PORCN: variants seen among roughly 807,000 people sequenced by gnomAD.
PORCN encodes porcupine O-acyltransferase.
Under a neutral mutation model 43.0 loss-of-function variants are expected in PORCN, and 1 was observed. The ratio of observed to expected loss-of-function variants is 0.02; its 90% CI spans 0.01 to 0.11. The LOEUF is 0.11. Among genes scored for constraint, PORCN ranks in the 10% least tolerant of loss-of-function variants. The pLI is 1.00. For missense variants in PORCN, 240 were observed against 392.1 expected, an observed-to-expected ratio of 0.61 and a Z score of 3.28; for synonymous variants, 148 against 166.4, an observed-to-expected ratio of 0.89 and a Z score of 0.85.
chrX:48,512,174 C>A, intron 4 of PORCN, 152 bp from the exon 5 acceptor site: 1 of 623,479 alleles, frequency 1.6e-6, no homozygotes, highest in Non-Finnish European at 2.6e-6. Context: ...ATCTATCTGT[C>A]CTGGGCTTCC....
intron 9 of PORCN, 26 bp downstream of exon 9, chrX:48,514,391 C>T (rs2061699481): frequency 8.3e-7 from 1 of 1,202,039 alleles, no homozygotes; most frequent in Non-Finnish European, 1.1e-6. Flanking sequence ...GACCCCCTCT[C>T]CCACAGGGTG....
chrX:48,515,230 A>G (rs1556974994), intron 10 of PORCN, among the ~76,000 whole-genome samples: 2 of 112,276 alleles, frequency 1.8e-5, no homozygotes, highest in Non-Finnish European at 1.9e-5. Flanking sequence ...GGCTCTGAGC[A>G]GAGGAGGGCC....
chrX:48,520,053 A>G (rs782019435), intron 14 of PORCN, among the ~76,000 whole-genome samples: 1 of 112,217 alleles, frequency 8.9e-6, no homozygotes, highest in South Asian at 3.7e-4. Context: ...ATCTTTTCAT[A>G]TGTTTAAGAG....
At chrX:48,509,185 C>T in intron 1 of PORCN, 82 bp downstream of exon 1, 1 of 177,549 alleles carries the variant, frequency 5.6e-6, no homozygotes, top group Non-Finnish European at 1.1e-5. Flanking sequence ...AGCGCGAGTG[C>T]TAGGACCCCC....
intron 3 of PORCN, 72 bp from the exon 4 acceptor site, chrX:48,511,820 C>T (rs2061677852): frequency 9.9e-7 from 1 of 1,011,269 alleles, no homozygotes; most frequent in African/African-American, 1.9e-5. Context: ...ACCTTGGACC[C>T]CCTTCCCCTG....
Position 48,512,443 on chromosome X carries a change from C to T in PORCN, c.491C>T (p.Thr164Ile), listed in dbSNP as rs2061683266. Residue 164 changes from threonine (T) to isoleucine (I), a missense_variant, in exon 5 of 15, where the codon ACC becomes ATC. Coordinates refer to ENST00000326194, the MANE Select transcript of PORCN (RefSeq NM_203475.3). ...ATGGGCTACCTCTACTTCGTGGGCA[C>T]CATCGTCTTCGGGCCCTGGATATCC... ...EFMGYLYFVG[T>I]IVFGPWISFH... The T allele has an allele frequency of 2.5e-6, 3 of 1,210,109 alleles. No individual in the cohort carries two copies. Among genetic ancestry groups the T allele is most frequent in the African/African-American group, 1.7e-5 (1 of 57,823 alleles).
At chrX:48,510,357 T>G (rs2061665244) in intron 2 of PORCN, among the ~76,000 whole-genome samples, 2 of 112,220 alleles carry the variant, frequency 1.8e-5, no homozygotes, top group Non-Finnish European at 3.8e-5. Context: ...GTTTGGAGAT[T>G]CTGACAATTT....
At chrX:48,514,953 C>T (rs1167419152) in intron 10 of PORCN, among the ~76,000 whole-genome samples, 1 of 111,505 alleles carries the variant, frequency 9.0e-6, no homozygotes, top group Non-Finnish European at 1.9e-5. Flanking sequence ...GAGGAGGTGA[C>T]ATTGGAGCAA....
chrX:48,512,321 CAT>C lies in PORCN; in HGVS notation c.374-3_374-2del. ...CATCCACTTGACCATGGGCACCACACATAGGGGCACAGATGATTGTGGCCATG... is the reference window on the plus strand; with the variant it reads ...CATCCACTTGACCATGGGCACCACACAGGGGCACAGATGATTGTGGCCATG... On this transcript the variant is annotated splice_polypyrimidine_tract_variant and splice_region_variant and intron_variant, in intron 4 of 14. Transcript: ENST00000326194. 1.7e-6 allele frequency: 2 copies of C among 1,211,322 alleles called. No homozygotes were observed. The highest frequency in any genetic ancestry group is 2.2e-6 in the Non-Finnish European group (2 of 895,212).
intron 2 of PORCN, among the ~76,000 whole-genome samples, chrX:48,510,286 A>G (rs2061664741): frequency 8.9e-6 from 1 of 112,169 alleles, no homozygotes; most frequent in African/African-American, 3.2e-5. Flanking sequence ...TCCCAAGGTT[A>G]TAAGACATTG....
intron 10 of PORCN, chrX:48,515,352 A>G (rs782200955): frequency 3.4e-6 from 1 of 292,524 alleles, no homozygotes; most frequent in East Asian, 7.9e-5. Flanking sequence ...CAGGCCAGTG[A>G]TGGTGGTGGT....
At chrX:48,510,571 C>T (rs1395282624) in intron 2 of PORCN, among the ~76,000 whole-genome samples, 3 of 111,903 alleles carry the variant, frequency 2.7e-5, no homozygotes, top group African/African-American at 9.8e-5. Flanking sequence ...TCTACACTTT[C>T]TTTTTTCTTT....
At chrX:48,512,006 C>T in intron 4 of PORCN, 71 bp downstream of exon 4, 1 of 872,084 alleles carries the variant, frequency 1.1e-6, no homozygotes, top group Non-Finnish European at 1.7e-6. Flanking sequence ...TGCCCCCACC[C>T]TGTGCCTTTC....
chrX:48,517,790 G>A (rs1232804897), intron 14 of PORCN, among the ~76,000 whole-genome samples: 2 of 111,127 alleles, frequency 1.8e-5, no homozygotes. Flanking sequence ...CTCCAGCCTG[G>A]GCAACAGAGC....
chrX:48,512,456 G>A lies in PORCN; in HGVS notation c.504G>A (p.Gly168=), dbSNP rs1363414916. 7 of 1,207,608 alleles carry A rather than the reference G, an allele frequency of 5.8e-6. No individual in the cohort carries two copies. Among genetic ancestry groups the A allele is most frequent in the Non-Finnish European group, 7.8e-6 (7 of 893,904 alleles). Residue 168 remains glycine, a synonymous_variant, in exon 5 of 15, where the codon GGG becomes GGA. Transcript: ENST00000326194. ...ACTTCGTGGGCACCATCGTCTTCGG[G>A]CCCTGGATATCCTTCCACAGCTACC... ...YLYFVGTIVF[G]PWISFHSYLQ...
chrX:48,520,713 G>A lies in PORCN; in HGVS notation c.*237G>A. On this transcript the variant is annotated 3_prime_UTR_variant, in exon 15 of 15. Transcript: ENST00000326194. ...GCTGGGGCCTAGAGGGGGATGCTTG[G>A]GGAAACAGAGAAGGGGAGATCCAGG... is the stretch of plus-strand genomic sequence containing the variant. The A allele has an allele frequency of 2.3e-6, 1 of 428,405 alleles. No homozygotes were observed. The highest frequency in any genetic ancestry group is 4.1e-6 in the Non-Finnish European group (1 of 242,146). The allele number at this position is 428,405 out of a possible 1,213,427, so 35.3% of individuals were successfully genotyped here.
Position 48,517,168 on chromosome X carries a change from A to G in PORCN, c.1174-15A>G. The G allele has an allele frequency of 8.7e-7, 1 of 1,144,317 alleles. No individual in the cohort carries two copies. The highest frequency in any genetic ancestry group is 1.2e-6 in the Non-Finnish European group (1 of 851,608). The allele number at this position is 1,144,317 out of a possible 1,213,427, so 94.3% of individuals were successfully genotyped here. The stretch of plus-strand genomic sequence containing the variant: ...GTAGGTCCAGTTGCCAAGTATATCC[A>G]TCTGTCCCCCACAGGGCCTGGGGGT... On this transcript the variant is annotated splice_polypyrimidine_tract_variant and intron_variant, in intron 13 of 14. Coordinates refer to ENST00000326194, the MANE Select transcript of PORCN (RefSeq NM_203475.3).
chrX:48,514,006 T>C (rs2061695209), intron 7 of PORCN, 121 bp from the exon 8 acceptor site: 1 of 830,468 alleles, frequency 1.2e-6, no homozygotes, highest in Admixed American at 2.6e-5. Flanking sequence ...ACTATCATAG[T>C]TCACCTTTTT....
Position 48,511,263 on chromosome X carries a change from T to C in PORCN, c.137-32T>C, listed in dbSNP as rs782141608. 10 of 982,097 alleles carry C rather than the reference T, an allele frequency of 1.0e-5. No individual in the cohort carries two copies. The African/African-American group carries it at 1.8e-4, about 18-fold the overall frequency. The allele number at this position is 982,097 out of a possible 1,213,427, so 80.9% of individuals were successfully genotyped here. A position where few individuals can be genotyped will look rare whatever the true frequency, so the allele number is the denominator to read the frequency against. ...CTCTTTCTCTCTCTTTCTCGTTCTC[T>C]CTCTCCCTTTCTTTCTCCCTTTCAC... On this transcript the variant is annotated intron_variant, in intron 2 of 14. Coordinates refer to ENST00000326194, the MANE Select transcript of PORCN (RefSeq NM_203475.3).
Sources: allele counts gnomAD v4.1 joint callset (sites outside exome capture counted in the v4.1 genomes callset), GRCh38; gene constraint gnomAD v4.1.1; transcripts MANE v1.5; gene names NCBI Gene and HGNC (gene_info 2026-07-23, HGNC 2026-07-21).